CLIP4: variants seen among roughly 807,000 people sequenced by gnomAD.
CLIP4 encodes CAP-Gly domain containing linker protein family member 4.
In CLIP4, 47 loss-of-function variants were observed where a neutral mutation model predicts 73.1. The observed-to-expected ratio is 0.64, with a 90% confidence interval of 0.51 to 0.82. The LOEUF is 0.82. Ranked by LOEUF, CLIP4 falls within the 40% of genes least tolerant of loss-of-function variation. The pLI, the probability that CLIP4 is intolerant of heterozygous loss-of-function variation, is 0.00. For missense variants in CLIP4, 874 were observed against 852.9 expected, an observed-to-expected ratio of 1.02 and a Z score of -0.31; for synonymous variants, 306 against 295.4, an observed-to-expected ratio of 1.04 and a Z score of -0.37.
At chr2:29,126,648 A>G (rs997633512) in intron 2 of CLIP4, among the ~76,000 whole-genome samples, 2 of 152,220 alleles carry the variant, frequency 1.3e-5, no homozygotes, top group Non-Finnish European at 2.9e-5. Context: ...TGCTGAAATG[A>G]GGATGGCAGT....
chr2:29,134,700 G>C (rs982473958), intron 5 of CLIP4, among the ~76,000 whole-genome samples: 1 of 151,758 alleles, frequency 6.6e-6, no homozygotes, highest in Non-Finnish European at 1.5e-5. Context: ...CAGAACCAGA[G>C]GTATATTTAA....
At chr2:29,112,060 T>C (rs1463099210), upstream of CLIP4, among the ~76,000 whole-genome samples, 1 of 152,202 alleles carries the variant, frequency 6.6e-6, no homozygotes. Flanking sequence ...ACCACCTTTG[T>C]GTAAATGGAG....
intron 1 of CLIP4, among the ~76,000 whole-genome samples, chr2:29,120,817 A>G (rs1664201522): frequency 6.6e-6 from 1 of 152,200 alleles, no homozygotes; most frequent in Admixed American, 6.5e-5. Context: ...TGGCCAGGAT[A>G]GAACTCACAT....
In CLIP4 at chr2:29,145,239, C is replaced by T. The variant is rs753746547; in HGVS notation, c.893C>T (p.Thr298Ile). The change falls in exon 8 of 16, where the codon ACA (threonine) becomes ATA (isoleucine). Residue 298 changes from threonine to isoleucine, a missense_variant. Physicochemically the swap from Thr to Ile is moderately conservative, Grantham distance 89. Transcript: ENST00000320081. ...GGTTTATATTTTCTTTAGGTTGGTACATTAAGATTTTGTGGAACAACTGAA... is the reference window on the plus strand; with the variant it reads ...GGTTTATATTTTCTTTAGGTTGGTATATTAAGATTTTGTGGAACAACTGAA... ...RVVIAGQKVG[T>I]LRFCGTTEFA... 5 of 1,613,018 alleles carry T rather than the reference C, an allele frequency of 3.1e-6. No individual in the cohort carries two copies. The highest frequency in any genetic ancestry group is 3.3e-5 in the Admixed American group (2 of 59,932).
At chr2:29,151,045 C>T (rs1369403159) in intron 8 of CLIP4, among the ~76,000 whole-genome samples, 1 of 152,000 alleles carries the variant, frequency 6.6e-6, no homozygotes, top group Non-Finnish European at 1.5e-5. Context: ...TATGTTTTCT[C>T]CTACTTATGA....
chr2:29,171,925 T>C (rs1668031710), intron 14 of CLIP4, among the ~76,000 whole-genome samples: 1 of 152,132 alleles, frequency 6.6e-6, no homozygotes, highest in Non-Finnish European at 1.5e-5. Context: ...ATTTTTGTTA[T>C]TTTATTTGTT....
chr2:29,171,389 T>TA (rs1667991069), intron 14 of CLIP4, among the ~76,000 whole-genome samples: 1 of 152,132 alleles, frequency 6.6e-6, no homozygotes, highest in African/African-American at 2.4e-5. Context: ...ATAATATATA[T>TA]TTTTTTACCT....
chr2:29,110,228 C>T (rs1054195620), intron 1 of CLIP4, among the ~76,000 whole-genome samples: 1 of 152,172 alleles, frequency 6.6e-6, no homozygotes, highest in African/African-American at 2.4e-5. Flanking sequence ...TCGTGCGGCT[C>T]AATGGAGTCC....
chr2:29,109,647 T>C (rs1572858053), intron 1 of CLIP4, among the ~76,000 whole-genome samples: 1 of 152,198 alleles, frequency 6.6e-6, no homozygotes. Flanking sequence ...CTTTGCATCA[T>C]GTGGTGTCTG....
intron 6 of CLIP4, among the ~76,000 whole-genome samples, chr2:29,139,378 T>C (rs2147978018): frequency 6.6e-6 from 1 of 152,270 alleles, no homozygotes; most frequent in Non-Finnish European, 1.5e-5. Context: ...GCTGCTGAAT[T>C]TGGTTTGCTA....
chr2:29,172,068 G>T (rs1573031833), intron 14 of CLIP4, among the ~76,000 whole-genome samples: 1 of 138,194 alleles, frequency 7.2e-6, no homozygotes, highest in Non-Finnish European at 1.5e-5. Context: ...TATAGTCTAT[G>T]AATATGCTTC....
At position 29,181,511 on chromosome 2, in the gene CLIP4, A is replaced by G. The variant is rs1424247106; in HGVS notation, c.1797-61A>G. On this transcript the variant is annotated intron_variant, in intron 15 of 15. Coordinates refer to ENST00000320081, the MANE Select transcript of CLIP4 (RefSeq NM_024692.6). Reference sequence around the variant, plus strand: ...GAATCTGGCAGTGGAAATGAATATGATGCATTGCATTACGTGGCTTCAGCA... The same window carrying G: ...GAATCTGGCAGTGGAAATGAATATGGTGCATTGCATTACGTGGCTTCAGCA... The G allele has an allele frequency of 1.2e-5, 16 of 1,284,586 alleles. No individual in the cohort carries two copies. In the East Asian group the frequency reaches 3.5e-4, roughly 28 times the overall value. 79.6% of individuals were successfully genotyped at this position (1,284,586 alleles called of 1,614,324 possible).
At position 29,182,996 on chromosome 2, in the gene CLIP4, TTC is replaced by T. The variant is rs1465070276; in HGVS notation, c.*1107_*1108del. 1 of 152,476 alleles carries T rather than the reference TTC, an allele frequency of 6.6e-6. No homozygotes were observed. The highest frequency in any genetic ancestry group is 1.5e-5 in the Non-Finnish European group (1 of 68,034). 9.4% of individuals were successfully genotyped at this position (152,476 alleles called of 1,614,324 possible). On this transcript the variant is annotated 3_prime_UTR_variant, in exon 16 of 16. Transcript: ENST00000320081. ...AACTGGTGTTGTTTGCTGTTTTTAT[TTC>T]TCTAATTGTTGCAGAGTTCTGCCTG...
At chr2:29,145,436 G>A in intron 8 of CLIP4, 69 bp downstream of exon 8, 1 of 1,330,802 alleles carries the variant, frequency 7.5e-7, no homozygotes, top group Non-Finnish European at 1.0e-6. Context: ...TTTTACAGTT[G>A]TTAAATAAAA....
chr2:29,118,940 C>T (rs1441256778), intron 1 of CLIP4, among the ~76,000 whole-genome samples: 4 of 152,156 alleles, frequency 2.6e-5, no homozygotes, highest in South Asian at 2.1e-4. Flanking sequence ...TATACTTAGA[C>T]ATTTGACCAA....
intron 6 of CLIP4, among the ~76,000 whole-genome samples, chr2:29,143,387 A>C: frequency 8.3e-6 from 1 of 120,468 alleles, no homozygotes; most frequent in Non-Finnish European, 1.7e-5. Flanking sequence ...CACATTTCCT[A>C]TTCCCCTTCC....
At chr2:29,150,690 G>T (rs918943524) in intron 8 of CLIP4, among the ~76,000 whole-genome samples, 4 of 104,622 alleles carry the variant, frequency 3.8e-5, no homozygotes, top group East Asian at 6.2e-4. Flanking sequence ...TCACTCTGTT[G>T]CCCAGGCTGG....
At chr2:29,151,398 A>G (rs920045094) in intron 8 of CLIP4, among the ~76,000 whole-genome samples, 6 of 152,128 alleles carry the variant, frequency 3.9e-5, no homozygotes, top group Admixed American at 6.6e-5. Flanking sequence ...CATCGTCGTC[A>G]TTATCACCAG....
intron 6 of CLIP4, among the ~76,000 whole-genome samples, chr2:29,143,275 T>C (rs1665902479): frequency 7.7e-6 from 1 of 130,584 alleles, no homozygotes; most frequent in Non-Finnish European, 1.7e-5. Context: ...CCTGCACAGC[T>C]CCTCCCTGGT....
Sources: gnomAD v4.1 joint callset for allele counts (sites outside exome capture counted in the v4.1 genomes callset) on GRCh38, gnomAD v4.1.1 for gene constraint, MANE v1.5 for transcripts, NCBI Gene and HGNC (gene_info 2026-07-23, HGNC 2026-07-21) for gene names.